Variants in MMS19 observed in about 807,000 individuals in gnomAD.
The protein encoded by MMS19 is MMS19 cytosolic iron-sulfur assembly component, also known as MMS19 nucleotide excision repair protein homolog.
A neutral mutation model predicts 129.8 loss-of-function variants in MMS19; 77 were observed. That is an observed-to-expected ratio of 0.59 (90% CI 0.49 to 0.72). The LOEUF is 0.72. Among genes scored for constraint, MMS19 ranks in the 30% least tolerant of loss-of-function variants. The pLI is 0.00. For synonymous variants in MMS19, 491 were observed against 502.8 expected (o/e 0.98, Z 0.31); for missense variants, 1,168 against 1,266.3 (o/e 0.92, Z 1.18).
At chr10:97,467,308 ATTGGGTATCCAG>A (rs1458572649) in intron 14 of MMS19, among the ~76,000 whole-genome samples, 185 bp downstream of exon 14, 9 of 152,290 alleles carry the variant, frequency 5.9e-5, no homozygotes, top group African/African-American at 1.9e-4. Flanking sequence ...AGCTTAATCC[ATTGGGTATCCAG>A]AAAGCACACT....
At chr10:97,460,788 C>T (rs1483720138) in intron 24 of MMS19, 37 bp from the exon 25 acceptor site, 1 of 1,570,498 alleles carries the variant, frequency 6.4e-7, no homozygotes, top group Non-Finnish European at 8.7e-7. Flanking sequence ...TGGGGAATGA[C>T]ACTCAAACCC....
In MMS19 at chr10:97,477,382, T is replaced by C. The variant is rs140745834; in HGVS notation, c.458A>G (p.Asn153Ser). ...LPQVDRHTVY[N>S]IITNFMRTRE... is the part of the protein sequence containing the mutation. ...GGTTCGCATAAAATTGGTGATGATA[T>C]TGTAGACTGTGTGTCGGTCCACCTG... Residue 153 changes from asparagine (N) to serine (S), a missense_variant, in exon 6 of 31, where the codon AAT becomes AGT. By Grantham distance (46) the Asn-to-Ser change is conservative. Around this residue, in one of 3 missense-constraint regions of MMS19, gnomAD observed 329 missense variants for 328.6 expected, o/e 1.00. Transcript: ENST00000438925. 12 of 1,613,878 alleles carry C rather than the reference T, an allele frequency of 7.4e-6. No homozygotes were observed. The highest frequency in any genetic ancestry group is 8.5e-6 in the Non-Finnish European group (10 of 1,179,894).
chr10:97,477,288 TA>T, intron 6 of MMS19, 58 bp downstream of exon 6: 1 of 1,613,540 alleles, frequency 6.2e-7, no homozygotes, highest in African/African-American at 1.3e-5. Context: ...GTCCTACTAA[TA>T]GGGGAAAAAG....
Position 97,478,318 on chromosome 10 carries a change from C to T in MMS19, c.334G>A (p.Gly112Ser), listed in dbSNP as rs1339049726. ...GGAAAACTCACAAGTGCCTTCAAAC[C>T]CTGCAGGACAGATGGGATCACAAGA... ...HHLVIPSVLQ[G>S]LKALSLCVAL... Residue 112 changes from glycine (G) to serine (S), a missense_variant, in exon 4 of 31, where the codon GGT becomes AGT. Coordinates refer to ENST00000438925, the MANE Select transcript of MMS19 (RefSeq NM_022362.5). 1.9e-6 allele frequency: 3 copies of T among 1,600,540 alleles called. No individual in the cohort carries two copies. The highest frequency in any genetic ancestry group is 2.6e-6 in the Non-Finnish European group (3 of 1,173,618).
chr10:97,495,713 T>C (rs1016904072), intron 1 of MMS19, among the ~76,000 whole-genome samples: 1 of 152,246 alleles, frequency 6.6e-6, no homozygotes, highest in Non-Finnish European at 1.5e-5. Flanking sequence ...GAATCCAAAG[T>C]TATACACAAT....
chr10:97,470,798 C>A lies in MMS19; in HGVS notation c.748G>T (p.Ala250Ser), dbSNP rs1375758434. 1 of 1,613,398 alleles carries A rather than the reference C, an allele frequency of 6.2e-7. No homozygotes were observed. Among genetic ancestry groups the A allele is most frequent in the Admixed American group, 1.7e-5 (1 of 59,960 alleles). ...DLILSLRAVLASTPRFAEFLL... is the reference protein window; with the variant it reads ...DLILSLRAVLSSTPRFAEFLL... The stretch of plus-strand genomic sequence containing the variant: ...ACCTCAGCAAATCGTGGTGTAGAAG[C>A]CAGCACAGCGCGAAGACTCAGGATG... Residue 250 changes from alanine (A) to serine (S), a missense_variant, in exon 9 of 31, where the codon GCT becomes TCT. By Grantham distance (99) the Ala-to-Ser change is moderately conservative (BLOSUM62 1). Around this residue, in one of 3 missense-constraint regions of MMS19, gnomAD observed 329 missense variants for 328.6 expected, o/e 1.00. Coordinates refer to ENST00000438925, the MANE Select transcript of MMS19 (RefSeq NM_022362.5).
intron 2 of MMS19, among the ~76,000 whole-genome samples, chr10:97,483,069 T>A (rs1266285512): frequency 6.6e-6 from 1 of 151,908 alleles, no homozygotes; most frequent in Admixed American, 6.6e-5. Context: ...CTATATATAT[T>A]TTTTGATGGG....
intron 1 of MMS19, among the ~76,000 whole-genome samples, chr10:97,496,115 C>T (rs2039730207): frequency 6.6e-6 from 1 of 152,204 alleles, no homozygotes; most frequent in African/African-American, 2.4e-5. Context: ...TAAATTACAA[C>T]AGGGCTAGTG....
At chr10:97,462,778 G>T in intron 19 of MMS19, 96 bp from the exon 20 acceptor site, 1 of 927,538 alleles carries the variant, frequency 1.1e-6, no homozygotes, top group South Asian at 1.4e-5. Flanking sequence ...TCTGGGGCTT[G>T]ACTCTAGCCA....
At chr10:97,475,391 T>C (rs910625542) in intron 8 of MMS19, among the ~76,000 whole-genome samples, 1 of 152,196 alleles carries the variant, frequency 6.6e-6, no homozygotes, top group Non-Finnish European at 1.5e-5. Context: ...CTTTTGGACT[T>C]TGAATCATGT....
intron 1 of MMS19, among the ~76,000 whole-genome samples, chr10:97,484,986 G>C (rs2037560473): frequency 6.6e-6 from 1 of 152,150 alleles, no homozygotes; most frequent in Admixed American, 6.5e-5. Context: ...TCACCATGTT[G>C]CTGGTCTTGA....
At chr10:97,486,888 T>TATATATATATATATATAC (rs1324326652) in intron 1 of MMS19, among the ~76,000 whole-genome samples, 11 of 120,230 alleles carry the variant, frequency 9.1e-5, no homozygotes, top group Non-Finnish European at 2.0e-4. Context: ...TATATATATA[T>TATATATATATATATATAC]ATATATAAAA....
At position 97,468,312 on chromosome 10, in the gene MMS19, A is replaced by C; in HGVS notation, c.1158T>G (p.Cys386Trp). 6.2e-7 allele frequency: 1 copy of C among 1,611,392 alleles called. No individual in the cohort carries two copies. ...QAAAGASARA[C>W]DSVTSNVLPL... Reference sequence around the variant, plus strand: ...GCAGTACATTGCTGGTGACAGAGTCACAGGCCCGGGCAGATGCACCTGCAG... The same window carrying C: ...GCAGTACATTGCTGGTGACAGAGTCCCAGGCCCGGGCAGATGCACCTGCAG... Residue 386 changes from cysteine to tryptophan, a missense_variant, in exon 13 of 31, where the codon TGT (cysteine) becomes TGG (tryptophan). This residue lies in a region of MMS19 where 831 missense variants were observed against 910.8 expected (regional missense o/e 0.91). Coordinates refer to ENST00000438925, the MANE Select transcript of MMS19 (RefSeq NM_022362.5).
chr10:97,471,248 A>AGT (rs2034624265), intron 8 of MMS19, among the ~76,000 whole-genome samples: 1 of 152,140 alleles, frequency 6.6e-6, no homozygotes, highest in East Asian at 1.9e-4. Flanking sequence ...TAACATATTA[A>AGT]GAACATTTTT....
chr10:97,461,934 A>G (rs1424162919), intron 21 of MMS19, 38 bp from the exon 22 acceptor site: 3 of 1,581,164 alleles, frequency 1.9e-6, no homozygotes, highest in East Asian at 4.6e-5. Flanking sequence ...CCTGCCAGCA[A>G]TAAGCTTGTC....
intron 1 of MMS19, among the ~76,000 whole-genome samples, chr10:97,497,660 G>A (rs2040039821): frequency 6.6e-6 from 1 of 152,108 alleles, no homozygotes; most frequent in Non-Finnish European, 1.5e-5. Flanking sequence ...GGTCTGGGAA[G>A]AAGACAAAAA....
At chr10:97,460,872 T>TC in intron 24 of MMS19, 35 bp downstream of exon 24, 1 of 1,544,030 alleles carries the variant, frequency 6.5e-7, no homozygotes, top group Non-Finnish European at 8.8e-7. Context: ...CATAATTGCC[T>TC]CTCTGGCTAA....
At chr10:97,488,737 C>T (rs1484749702) in intron 1 of MMS19, among the ~76,000 whole-genome samples, 1 of 152,198 alleles carries the variant, frequency 6.6e-6, no homozygotes, top group Non-Finnish European at 1.5e-5. Context: ...TTTTGACCTG[C>T]AGTTGCTTGA....
intron 1 of MMS19, among the ~76,000 whole-genome samples, chr10:97,493,671 C>T (rs7084687): frequency 0.28 from 42,187 of 152,108 alleles, 6,101 homozygotes; most frequent in East Asian, 0.47. Flanking sequence ...GGACCATGGG[C>T]CACTAACTTT....
Sources: gnomAD v4.1 joint callset for allele counts (sites outside exome capture counted in the v4.1 genomes callset) on GRCh38, gnomAD v4.1.1 for gene constraint, gnomAD v4.1.1 regional missense constraint, MANE v1.5 for transcripts, NCBI Gene and HGNC (gene_info 2026-07-23, HGNC 2026-07-21) for gene names.